The following HS6ST3 variants were observed in gnomAD, a reference collection of about 807,000 sequenced individuals.
HS6ST3 encodes the protein heparan sulfate 6-O-sulfotransferase 3.
Under a neutral mutation model 36.7 loss-of-function variants are expected in HS6ST3, and 12 were observed. That is an observed-to-expected ratio of 0.33 (90% confidence interval 0.21 to 0.53). HS6ST3 has a LOEUF of 0.53. Ranked by LOEUF, HS6ST3 falls within the 20% of genes least tolerant of loss-of-function variation. The pLI, the probability that HS6ST3 is intolerant of heterozygous loss-of-function variation, is 0.95. For missense variants in HS6ST3, 584 were observed against 640.9 expected (o/e 0.91, Z 0.96); for synonymous variants, 240 against 257.5 (o/e 0.93, Z 0.65).
chr13:96,439,621 C>T (rs1313921967), intron 1 of HS6ST3, among the ~76,000 whole-genome samples: 2 of 152,094 alleles, frequency 1.3e-5, no homozygotes, highest in Non-Finnish European at 2.9e-5. Context: ...TTCCTGTAAA[C>T]TGTGAATAAT....
intron 1 of HS6ST3, among the ~76,000 whole-genome samples, chr13:96,103,789 A>G (rs2053828474): frequency 6.6e-6 from 1 of 152,220 alleles, no homozygotes; most frequent in Non-Finnish European, 1.5e-5. Context: ...AAAATATTCA[A>G]AATACACATT....
chr13:96,600,850 G>A (rs943810154), intron 1 of HS6ST3, among the ~76,000 whole-genome samples: 9 of 151,978 alleles, frequency 5.9e-5, no homozygotes, highest in Non-Finnish European at 1.3e-4. Flanking sequence ...TTTCTTATCA[G>A]GCTGGTCTAG....
chr13:96,733,327 G>C (rs1876205913), intron 1 of HS6ST3, among the ~76,000 whole-genome samples: 1 of 152,174 alleles, frequency 6.6e-6, no homozygotes, highest in Non-Finnish European at 1.5e-5. Context: ...TTTGTTGAGA[G>C]TTTATACCAT....
At chr13:96,248,284 T>A (rs559826660) in intron 1 of HS6ST3, among the ~76,000 whole-genome samples, 1 of 152,214 alleles carries the variant, frequency 6.6e-6, no homozygotes, top group East Asian at 1.9e-4. Flanking sequence ...TCGGCTCAGG[T>A]TGTTTTAAAG....
At chr13:96,303,941 G>C (rs931296282) in intron 1 of HS6ST3, among the ~76,000 whole-genome samples, 3 of 152,056 alleles carry the variant, frequency 2.0e-5, no homozygotes, top group Non-Finnish European at 4.4e-5. Flanking sequence ...TCAGGAGTTC[G>C]AGACCAGTCT....
intron 1 of HS6ST3, among the ~76,000 whole-genome samples, chr13:96,153,332 G>A (rs550374254): frequency 1.3e-5 from 2 of 152,308 alleles, no homozygotes; most frequent in South Asian, 4.1e-4. Context: ...AGGAATCAGA[G>A]TGCAGATAAC....
chr13:96,550,908 A>T (rs2056217154), intron 1 of HS6ST3, among the ~76,000 whole-genome samples: 1 of 152,174 alleles, frequency 6.6e-6, no homozygotes, highest in African/African-American at 2.4e-5. Context: ...ATGATATGAC[A>T]CTTTTACTAG....
rs1003679731 is a variant in HS6ST3 at position 96,556,111 on chromosome 13, T to G, written c.708-276379T>G. On this transcript the variant is annotated intron_variant, in intron 1 of 1. Coordinates refer to ENST00000376705, the MANE Select transcript of HS6ST3 (RefSeq NM_153456.4). The stretch of plus-strand genomic sequence containing the variant: ...AAGGTGGCCCTAAGCTTTAGCTTCT[T>G]GAATCTAAACCACTCTTATTGCAGT... Among the ~76,000 whole-genome samples, 3 of 152,196 alleles carry G rather than the reference T, an allele frequency of 2.0e-5. No individual in the cohort carries two copies. The East Asian group carries it at 5.8e-4, about 29-fold the overall frequency.
intron 1 of HS6ST3, among the ~76,000 whole-genome samples, chr13:96,510,015 T>G (rs1272898636): frequency 6.6e-6 from 1 of 152,198 alleles, no homozygotes. Context: ...ATCTATGATT[T>G]ATTTCAGCAG....
At chr13:96,369,337 A>C (rs760714674) in intron 1 of HS6ST3, among the ~76,000 whole-genome samples, 3 of 152,094 alleles carry the variant, frequency 2.0e-5, no homozygotes, top group Non-Finnish European at 4.4e-5. Context: ...TTGATTATCA[A>C]ATCAAAGGAT....
At chr13:96,325,758 CTT>C (rs1566325253) in intron 1 of HS6ST3, among the ~76,000 whole-genome samples, 3 of 152,086 alleles carry the variant, frequency 2.0e-5, no homozygotes, top group Non-Finnish European at 4.4e-5. Flanking sequence ...GGAGTTTATT[CTT>C]TGAGGGGACA....
chr13:96,284,807 C>T (rs2054792768), intron 1 of HS6ST3, among the ~76,000 whole-genome samples: 1 of 151,970 alleles, frequency 6.6e-6, no homozygotes, highest in South Asian at 2.1e-4. Context: ...CTTCTTTCTT[C>T]TTTCTTTCTT....
chr13:96,188,994 T>A (rs1252002408), intron 1 of HS6ST3, among the ~76,000 whole-genome samples: 1 of 152,170 alleles, frequency 6.6e-6, no homozygotes, highest in African/African-American at 2.4e-5. Flanking sequence ...TGGTATTAAA[T>A]CCAGGTATTT....
At position 96,170,923 on chromosome 13, in the gene HS6ST3, G is replaced by A. The variant is rs1006566955; in HGVS notation, c.707+79354G>A. Among the ~76,000 whole-genome samples the A allele has an allele frequency of 1.1e-4, 16 of 152,294 alleles. No homozygotes were observed. In the East Asian group the frequency reaches 2.3e-3, roughly 22 times the overall value. On this transcript the variant is annotated intron_variant, in intron 1 of 1. Coordinates refer to ENST00000376705, the MANE Select transcript of HS6ST3 (RefSeq NM_153456.4). ...GGGGTTTATATTATTTAAAACACACGCGCACGTGCGCACACACACACACGC... is the reference window on the plus strand; with the variant it reads ...GGGGTTTATATTATTTAAAACACACACGCACGTGCGCACACACACACACGC...
Position 96,582,843 on chromosome 13 carries a change from G to A in HS6ST3, c.708-249647G>A, listed in dbSNP as rs115410975. ...ATGCATAGTGTTGCCAGATTTTGTAGATAAAATGCAGGAAGCCCAGTTAAA... is the reference window on the plus strand; with the variant it reads ...ATGCATAGTGTTGCCAGATTTTGTAAATAAAATGCAGGAAGCCCAGTTAAA... On this transcript the variant is annotated intron_variant, in intron 1 of 1. Transcript: ENST00000376705. 5.7e-3 allele frequency among the ~76,000 whole-genome samples: 874 copies of A among 152,170 alleles called. 5 individuals are homozygous for A. Among genetic ancestry groups the A allele is most frequent in the African/African-American group, 0.02 (827 of 41,516 alleles).
At chr13:96,578,349 G>A (rs946943972) in intron 1 of HS6ST3, among the ~76,000 whole-genome samples, 3 of 152,148 alleles carry the variant, frequency 2.0e-5, no homozygotes, top group African/African-American at 4.8e-5. Flanking sequence ...CCAAGTTTGG[G>A]TCATCCACGT....
At position 96,348,840 on chromosome 13, in the gene HS6ST3, G is replaced by A. The variant is rs532957880; in HGVS notation, c.707+257271G>A. On this transcript the variant is annotated intron_variant, in intron 1 of 1. Transcript: ENST00000376705. The stretch of plus-strand genomic sequence containing the variant: ...GAAGGTTGTACTTTTTGCTCAAAGA[G>A]GAGCAGGTGAAGAAAAGCCTGATAA... 2.6e-4 allele frequency among the ~76,000 whole-genome samples: 39 copies of A among 152,306 alleles called. 1 individual carries two copies. The South Asian group carries it at 7.7e-3, about 30-fold the overall frequency.
At chr13:96,531,027 A>G (rs577776909) in intron 1 of HS6ST3, among the ~76,000 whole-genome samples, 1 of 152,292 alleles carries the variant, frequency 6.6e-6, no homozygotes, top group African/African-American at 2.4e-5. Context: ...GCTTCTAAGC[A>G]CCTCATCTTC....
At chr13:96,463,759 G>A (rs983343715) in intron 1 of HS6ST3, among the ~76,000 whole-genome samples, 1 of 151,974 alleles carries the variant, frequency 6.6e-6, no homozygotes, top group African/African-American at 2.4e-5. Context: ...AGACAATTCA[G>A]TAGGAAAATA....
Sources: gnomAD v4.1 joint callset for allele counts (sites outside exome capture counted in the v4.1 genomes callset) on GRCh38, gnomAD v4.1.1 for gene constraint, MANE v1.5 for transcripts, NCBI Gene and HGNC (gene_info 2026-07-23, HGNC 2026-07-21) for gene names.